STK32B: variants seen among roughly 807,000 people sequenced by gnomAD.
STK32B encodes the protein serine/threonine-protein kinase 32B.
STK32B carries 43 observed loss-of-function variants against 52.6 expected under a neutral mutation model. That is an observed-to-expected ratio of 0.82 (90% confidence interval 0.64 to 1.05). The LOEUF is 1.05. STK32B is among the 50% of genes least tolerant of loss of function. The pLI, the probability that STK32B is intolerant of heterozygous loss-of-function variation, is 0.00. For synonymous variants in STK32B, 238 were observed against 204.3 expected, an observed-to-expected ratio of 1.17 and a Z score of -1.41; for missense variants, 621 against 534.6, an observed-to-expected ratio of 1.16 and a Z score of -1.59.
intron 3 of STK32B, among the ~76,000 whole-genome samples, chr4:5,289,794 C>T (rs563247491): frequency 1.7e-4 from 25 of 149,144 alleles, no homozygotes; most frequent in African/African-American, 5.4e-4. Context: ...CCGCCTGCCT[C>T]GGCCCCCCAA....
In STK32B at chr4:5,257,235, ATGAGTGAATGAT is replaced by A. The variant is rs527271819; in HGVS notation, c.261-73973_261-73962del. Reference sequence around the variant, plus strand: ...AGCAAGTGATTATGTGAGTGAATGAATGAGTGAATGATTGAGTGAATGAATGAGTGAATGATG... The same window carrying A: ...AGCAAGTGATTATGTGAGTGAATGAATGAGTGAATGAATGAGTGAATGATG... On this transcript the variant is annotated intron_variant, in intron 3 of 11. Coordinates refer to ENST00000282908, the MANE Select transcript of STK32B (RefSeq NM_018401.3). Among the ~76,000 whole-genome samples the A allele has an allele frequency of 4.3e-3, 526 of 122,276 alleles. 4 individuals carry two copies. Among genetic ancestry groups the A allele is most frequent in the South Asian group, 0.017 (72 of 4,182 alleles). The allele number at this position is 122,276 out of a possible 152,430, so 80.2% of individuals were successfully genotyped here.
chr4:5,322,920 G>A (rs1193439594), intron 3 of STK32B, among the ~76,000 whole-genome samples: 5 of 152,190 alleles, frequency 3.3e-5, no homozygotes, highest in South Asian at 2.1e-4. Flanking sequence ...TTTGTAAGCA[G>A]CCTCCAAGGC....
intron 3 of STK32B, among the ~76,000 whole-genome samples, chr4:5,278,141 C>T (rs1324562685): frequency 6.6e-6 from 1 of 152,184 alleles, no homozygotes; most frequent in Non-Finnish European, 1.5e-5. Flanking sequence ...GTTTTGACTT[C>T]TGGCAAGGTG....
At chr4:5,261,045 G>C (rs1338973233) in intron 3 of STK32B, among the ~76,000 whole-genome samples, 1 of 152,114 alleles carries the variant, frequency 6.6e-6, no homozygotes, top group Admixed American at 6.6e-5. Flanking sequence ...TGGTCAAGGC[G>C]GCTCTTTAGT....
At chr4:5,387,868 C>G (rs1455740240) in intron 4 of STK32B, among the ~76,000 whole-genome samples, 4 of 152,194 alleles carry the variant, frequency 2.6e-5, no homozygotes, top group Admixed American at 2.6e-4. Context: ...CCTCAGCCTC[C>G]CGAGTAGCCA....
At chr4:5,482,309 T>A (rs1293038584) in intron 11 of STK32B, among the ~76,000 whole-genome samples, 1 of 152,226 alleles carries the variant, frequency 6.6e-6, no homozygotes, top group Non-Finnish European at 1.5e-5. Flanking sequence ...ACATCCCTTG[T>A]AAGTTGGATT....
chr4:5,021,700 G>A, the STK32B span, among the ~76,000 whole-genome samples: 6 of 152,298 alleles, frequency 3.9e-5, no homozygotes, highest in Non-Finnish European at 7.4e-5. Context: ...TGTTCCACCC[G>A]CAATACCGTG....
At chr4:5,283,317 GA>G (rs61045080) in intron 3 of STK32B, among the ~76,000 whole-genome samples, 44,619 of 148,954 alleles carry the variant, frequency 0.3, 11,780 homozygotes, top group African/African-American at 0.72. Context: ...GAACAAAAAG[GA>G]AAAAAAAAGA....
chr4:5,157,421 T>C (rs1717947832), intron 2 of STK32B, among the ~76,000 whole-genome samples: 1 of 152,068 alleles, frequency 6.6e-6, no homozygotes, highest in Non-Finnish European at 1.5e-5. Context: ...TGATAGCTGC[T>C]CTGCAGAAAA....
Position 5,396,348 on chromosome 4 carries a change from C to A in STK32B, c.435-1859C>A, listed in dbSNP as rs1240801519. On this transcript the variant is annotated intron_variant, in intron 4 of 11. Transcript: ENST00000282908. The surrounding 1 kb of genome is among the most constrained non-coding windows in gnomAD (Gnocchi z 4.7). ...CTGTGCCTGCATCCAAATCCCTCCC[C>A]CTACTTTCCTCCTATAAAGACATGA... 1.3e-5 allele frequency among the ~76,000 whole-genome samples: 2 copies of A among 152,166 alleles called. No homozygotes were observed. The highest frequency in any genetic ancestry group is 2.9e-5 in the Non-Finnish European group (2 of 68,034).
intron 1 of STK32B, among the ~76,000 whole-genome samples, chr4:5,054,643 T>G (rs1157426839): frequency 6.6e-6 from 1 of 152,186 alleles, no homozygotes; most frequent in Admixed American, 6.5e-5. Flanking sequence ...GGACTTGATC[T>G]TATAGGCATT....
At chr4:5,317,539 G>GTA (rs373146893) in intron 3 of STK32B, among the ~76,000 whole-genome samples, 4,471 of 92,026 alleles carry the variant, frequency 0.049, 287 homozygotes, top group African/African-American at 0.079. Flanking sequence ...TATATTACAT[G>GTA]TATATATATA....
chr4:5,279,750 C>A (rs1427906140), intron 3 of STK32B, among the ~76,000 whole-genome samples: 1 of 152,250 alleles, frequency 6.6e-6, no homozygotes, highest in Non-Finnish European at 1.5e-5. Context: ...AAGCTCAACT[C>A]TTGTGTTTTG....
intron 11 of STK32B, among the ~76,000 whole-genome samples, chr4:5,494,937 A>G (rs907990647): frequency 6.6e-6 from 1 of 152,198 alleles, no homozygotes; most frequent in Non-Finnish European, 1.5e-5. Flanking sequence ...GTTTCTGCCT[A>G]GCGATCAGCT....
chr4:5,132,857 C>T (rs1042946442), intron 1 of STK32B, among the ~76,000 whole-genome samples: 3 of 151,154 alleles, frequency 2.0e-5, no homozygotes, highest in African/African-American at 7.3e-5. Flanking sequence ...GGAGTGCAGT[C>T]GTGTGATCTT....
the STK32B span, among the ~76,000 whole-genome samples, chr4:5,039,086 A>G: frequency 6.7e-6 from 1 of 150,096 alleles, no homozygotes; most frequent in East Asian, 2.0e-4. Flanking sequence ...TCCTGGGCTC[A>G]AGTAATCTTC....
chr4:5,155,510 T>C (rs962802280), intron 2 of STK32B, among the ~76,000 whole-genome samples: 2 of 152,168 alleles, frequency 1.3e-5, no homozygotes, highest in African/African-American at 2.4e-5. Context: ...CATATGTATA[T>C]GCATATACAT....
chr4:5,490,800 A>G (rs368266976), intron 11 of STK32B, among the ~76,000 whole-genome samples: 15 of 152,182 alleles, frequency 9.9e-5, no homozygotes, highest in Middle Eastern at 3.4e-3. Flanking sequence ...TTCAATTCCC[A>G]ACTACGAGTG....
chr4:5,195,777 C>T (rs1224761791), intron 3 of STK32B, among the ~76,000 whole-genome samples: 1 of 152,182 alleles, frequency 6.6e-6, no homozygotes. Flanking sequence ...TTAACAACAT[C>T]ACAGTGACCT....
Sources: allele counts gnomAD v4.1 joint callset (sites outside exome capture counted in the v4.1 genomes callset), GRCh38; gene constraint gnomAD v4.1.1; non-coding constraint Gnocchi (gnomAD v3.1); transcripts MANE v1.5; gene names NCBI Gene and HGNC (gene_info 2026-07-23, HGNC 2026-07-21).